Variants in MARCHF8 observed in about 807,000 individuals in gnomAD.
The protein encoded by MARCHF8 is membrane associated ring-CH-type finger 8.
In MARCHF8, 40 loss-of-function variants were observed where a neutral mutation model predicts 51.6. The observed-to-expected ratio is 0.77, with a 90% CI of 0.60 to 1.01. The LOEUF is 1.01. MARCHF8 is among the 50% of genes least tolerant of loss of function. MARCHF8 has a pLI of 0.00. For missense variants in MARCHF8, 685 were observed against 708.6 expected, an observed-to-expected ratio of 0.97 and a Z score of 0.38; for synonymous variants, 263 against 280.3, an observed-to-expected ratio of 0.94 and a Z score of 0.62.
At chr10:45,519,779 T>C (rs1376185202) in intron 2 of MARCHF8, among the ~76,000 whole-genome samples, 1 of 152,214 alleles carries the variant, frequency 6.6e-6, no homozygotes. Flanking sequence ...CCTACACGGC[T>C]GCCTGAAATA....
chr10:45,562,718 A>T (rs1157125239), intron 1 of MARCHF8, among the ~76,000 whole-genome samples: 2 of 152,228 alleles, frequency 1.3e-5, no homozygotes, highest in African/African-American at 4.8e-5. Context: ...GAGATCTGAG[A>T]TGTCAGATGA....
intron 2 of MARCHF8, among the ~76,000 whole-genome samples, chr10:45,525,290 C>T (rs1564501699): frequency 6.6e-6 from 1 of 152,174 alleles, no homozygotes; most frequent in Admixed American, 6.5e-5. Context: ...AAAACTAGGA[C>T]TGTTTATAAA....
intron 2 of MARCHF8, among the ~76,000 whole-genome samples, chr10:45,522,711 T>C (rs986943142): frequency 1.3e-5 from 2 of 152,222 alleles, no homozygotes; most frequent in African/African-American, 4.8e-5. Context: ...AGTGCCCTGC[T>C]CTGCTTTTTA....
At chr10:45,529,772 T>C (rs1015728869) in intron 2 of MARCHF8, among the ~76,000 whole-genome samples, 14 of 152,034 alleles carry the variant, frequency 9.2e-5, no homozygotes, top group African/African-American at 2.9e-4. Context: ...ATTACTCAGG[T>C]GTCAAAAAAA....
intron 6 of MARCHF8, 65 bp from the exon 7 acceptor site, chr10:45,459,332 A>G (rs1424037401): frequency 2.7e-5 from 41 of 1,537,082 alleles, no homozygotes; most frequent in Non-Finnish European, 8.8e-7. Context: ...GGGTGAGAGC[A>G]TTGTAGGTAG....
At chr10:45,470,520 T>C (rs1189221438) in intron 3 of MARCHF8, among the ~76,000 whole-genome samples, 3 of 152,168 alleles carry the variant, frequency 2.0e-5, no homozygotes, top group Non-Finnish European at 4.4e-5. Flanking sequence ...CCCCAAATAA[T>C]CTCCCTTATT....
intron 2 of MARCHF8, among the ~76,000 whole-genome samples, chr10:45,505,098 G>T (rs2043355507): frequency 6.6e-6 from 1 of 152,078 alleles, no homozygotes; most frequent in Non-Finnish European, 1.5e-5. Flanking sequence ...TATTAATCCA[G>T]CTACTCCTGA....
chr10:45,575,167 TATCAG>T (rs1451261003), intron 1 of MARCHF8, among the ~76,000 whole-genome samples: 1 of 152,072 alleles, frequency 6.6e-6, no homozygotes. Flanking sequence ...CATCAAAAAG[TATCAG>T]ATCCCATCGC....
At chr10:45,476,218 T>C (rs2042784170) in intron 3 of MARCHF8, among the ~76,000 whole-genome samples, 1 of 152,040 alleles carries the variant, frequency 6.6e-6, no homozygotes, top group Non-Finnish European at 1.5e-5. Flanking sequence ...TAAATTCCAA[T>C]CAAAAAGAAA....
chr10:45,559,956 G>A (rs1156380229), intron 1 of MARCHF8, among the ~76,000 whole-genome samples: 1 of 152,144 alleles, frequency 6.6e-6, no homozygotes, highest in African/African-American at 2.4e-5. Context: ...GGCCTCGGCA[G>A]TGAGATTTGA....
chr10:45,509,459 C>T (rs955694298), intron 2 of MARCHF8, among the ~76,000 whole-genome samples: 5 of 152,094 alleles, frequency 3.3e-5, no homozygotes, highest in South Asian at 4.1e-4. Context: ...AGTTCAGAAA[C>T]GTAATAAATA....
At chr10:45,467,865 A>C (rs1191765633) in intron 3 of MARCHF8, among the ~76,000 whole-genome samples, 1 of 152,230 alleles carries the variant, frequency 6.6e-6, no homozygotes, top group East Asian at 1.9e-4. Flanking sequence ...TTCATCATGC[A>C]AAAATCCAAA....
At chr10:45,543,314 T>A (rs909730751) in intron 1 of MARCHF8, among the ~76,000 whole-genome samples, 1 of 152,198 alleles carries the variant, frequency 6.6e-6, no homozygotes, top group Non-Finnish European at 1.5e-5. Flanking sequence ...CTGTGCTCCC[T>A]TTTCCTGGGT....
chr10:45,459,188 C>A lies in MARCHF8; in HGVS notation c.1349G>T (p.Cys450Phe). ...SVTFHVIAIT[C>F]VVWSLYVLID... Reference sequence around the variant, plus strand: ...GAGCACATACAAGGACCAGACCACACATGTGATGGCAATGACGTGGAATGT... The same window carrying A: ...GAGCACATACAAGGACCAGACCACAAATGTGATGGCAATGACGTGGAATGT... Residue 450 changes from cysteine to phenylalanine, a missense_variant, in exon 7 of 8, where the codon TGT becomes TTT. Coordinates refer to ENST00000453424, the MANE Select transcript of MARCHF8 (RefSeq NM_001282866.2). 6.2e-7 allele frequency: 1 copy of A among 1,614,122 alleles called. No homozygotes were observed. The highest frequency in any genetic ancestry group is 8.5e-7 in the Non-Finnish European group (1 of 1,180,032).
At chr10:45,561,224 C>T (rs1229382715) in intron 1 of MARCHF8, among the ~76,000 whole-genome samples, 1 of 151,242 alleles carries the variant, frequency 6.6e-6, no homozygotes, top group Non-Finnish European at 1.5e-5. Flanking sequence ...AAAGAACAAA[C>T]ATCAGATACT....
intron 2 of MARCHF8, among the ~76,000 whole-genome samples, chr10:45,502,952 A>C (rs1439830309): frequency 1.3e-5 from 2 of 152,236 alleles, no homozygotes; most frequent in Non-Finnish European, 2.9e-5. Flanking sequence ...ATAATAATAC[A>C]TTCTATGAGG....
At chr10:45,472,146 CCACCCCT>C (rs1196412287) in intron 3 of MARCHF8, among the ~76,000 whole-genome samples, 1 of 152,172 alleles carries the variant, frequency 6.6e-6, no homozygotes, top group Non-Finnish European at 1.5e-5. Flanking sequence ...GTGGCCTTTC[CCACCCCT>C]CCTCCTCCTC....
chr10:45,491,615 G>A (rs919617516), intron 2 of MARCHF8, among the ~76,000 whole-genome samples: 1 of 152,198 alleles, frequency 6.6e-6, no homozygotes, highest in African/African-American at 2.4e-5. Context: ...TTCATTCACT[G>A]GGAATGAAAG....
At chr10:45,461,546 A>T (rs1842787550) in intron 5 of MARCHF8, 135 bp from the exon 6 acceptor site, 2 of 592,896 alleles carry the variant, frequency 3.4e-6, no homozygotes, top group Admixed American at 8.7e-5. Context: ...ACAAAAACAT[A>T]CAAACACAAA....
Sources: allele counts gnomAD v4.1 joint callset (sites outside exome capture counted in the v4.1 genomes callset), GRCh38; gene constraint gnomAD v4.1.1; transcripts MANE v1.5; gene names NCBI Gene and HGNC (gene_info 2026-07-23, HGNC 2026-07-21).